Variants in PPP2R2C observed in about 807,000 individuals in gnomAD.
PPP2R2C encodes the protein protein phosphatase 2, regulatory subunit B, gamma.
A neutral mutation model predicts 45.3 loss-of-function variants in PPP2R2C; 10 were observed. The observed-to-expected ratio is 0.22, with a 90% CI of 0.14 to 0.37. The LOEUF is 0.37. Among genes scored for constraint, PPP2R2C ranks in the 10% least tolerant of loss-of-function variants. PPP2R2C has a pLI of 1.00. For missense variants in PPP2R2C, 308 were observed against 619.7 expected, an observed-to-expected ratio of 0.50 and a Z score of 5.34; for synonymous variants, 257 against 245.4, an observed-to-expected ratio of 1.05 and a Z score of -0.44.
chr4:6,502,476 G>A (rs1171727247), intron 2 of PPP2R2C, among the ~76,000 whole-genome samples: 1 of 151,208 alleles, frequency 6.6e-6, no homozygotes, highest in Non-Finnish European at 1.5e-5. Flanking sequence ...CCTTCTTCCT[G>A]CCCTCCCTCT....
chr4:6,373,113 G>C (rs1169418560), intron 4 of PPP2R2C, among the ~76,000 whole-genome samples: 7 of 152,178 alleles, frequency 4.6e-5, no homozygotes, highest in Non-Finnish European at 8.8e-5. Flanking sequence ...ATGGCCACAT[G>C]ACTAGTTCTG....
At chr4:6,390,903 G>A (rs534181881) in intron 1 of PPP2R2C, among the ~76,000 whole-genome samples, 84 of 152,198 alleles carry the variant, frequency 5.5e-4, no homozygotes, top group African/African-American at 1.9e-3. Context: ...ACCTTCCAGC[G>A]GGCCTGGTGA....
intron 2 of PPP2R2C, among the ~76,000 whole-genome samples, chr4:6,480,170 C>T (rs2108777812): frequency 1.3e-5 from 2 of 152,296 alleles, no homozygotes; most frequent in South Asian, 4.1e-4. Flanking sequence ...CCTTAACATA[C>T]ATACATGCAT....
chr4:6,391,836 A>G (rs989088609), intron 1 of PPP2R2C, among the ~76,000 whole-genome samples: 2 of 152,202 alleles, frequency 1.3e-5, no homozygotes, highest in African/African-American at 2.4e-5. Context: ...CACTGTGTGG[A>G]AAGGGGGAAA....
At chr4:6,354,915 A>G (rs970306344) in intron 5 of PPP2R2C, among the ~76,000 whole-genome samples, 1 of 152,088 alleles carries the variant, frequency 6.6e-6, no homozygotes, top group Admixed American at 6.5e-5. Context: ...TGTTGGGCAC[A>G]TTCCCACTGC....
At position 6,382,227 on chromosome 4, in the gene PPP2R2C, G is replaced by A. The variant is rs1236728484; in HGVS notation, c.71-1133C>T. The A allele has an allele frequency of 3.3e-6, 4 of 1,207,710 alleles. No individual in the cohort carries two copies. The East Asian group carries it at 2.3e-4, about 69-fold the overall frequency. 74.8% of individuals were successfully genotyped at this position (1,207,710 alleles called of 1,614,324 possible). On this transcript the variant is annotated intron_variant, in intron 1 of 8. Transcript: ENST00000382599. ...CCATAGGCCCAAGCAGCAAAAGCTAGTAGGAGCCCGGGATGGCCCGCTGCT... is the reference window on the plus strand; with the variant it reads ...CCATAGGCCCAAGCAGCAAAAGCTAATAGGAGCCCGGGATGGCCCGCTGCT...
chr4:6,413,380 G>T (rs1438377751), intron 1 of PPP2R2C, among the ~76,000 whole-genome samples: 1 of 152,248 alleles, frequency 6.6e-6, no homozygotes, highest in African/African-American at 2.4e-5. Flanking sequence ...CCCATAAGCA[G>T]AGGCTGAACT....
At chr4:6,382,778 C>T in intron 1 of PPP2R2C, 1 of 805,070 alleles carries the variant, frequency 1.2e-6, no homozygotes, top group South Asian at 1.9e-5. Flanking sequence ...CACTCTCCCA[C>T]CTCTCACTGG....
chr4:6,505,973 T>A (rs1413285672), intron 2 of PPP2R2C, among the ~76,000 whole-genome samples: 1 of 149,044 alleles, frequency 6.7e-6, no homozygotes, highest in Non-Finnish European at 1.5e-5. Flanking sequence ...CTCAAAAACA[T>A]TTTTTTTAAT....
chr4:6,469,712 A>G (rs952526137), intron 1 of PPP2R2C, among the ~76,000 whole-genome samples: 2 of 152,216 alleles, frequency 1.3e-5, no homozygotes, highest in African/African-American at 2.4e-5. Context: ...GCAGGACTTT[A>G]ACATGATTCA....
chr4:6,394,045 G>C (rs987706447), intron 1 of PPP2R2C, among the ~76,000 whole-genome samples: 2 of 152,196 alleles, frequency 1.3e-5, no homozygotes, highest in South Asian at 2.1e-4. Context: ...TGCAACACAG[G>C]CTCCGGAAAG....
At chr4:6,560,103 C>G (rs1368376581) in intron 1 of PPP2R2C, among the ~76,000 whole-genome samples, 2 of 152,210 alleles carry the variant, frequency 1.3e-5, no homozygotes, top group African/African-American at 4.8e-5. Context: ...TCCTGGGGCC[C>G]TTGAAGGCTA....
At chr4:6,397,148 C>A (rs1371455844) in intron 1 of PPP2R2C, among the ~76,000 whole-genome samples, 1 of 152,234 alleles carries the variant, frequency 6.6e-6, no homozygotes, top group Non-Finnish European at 1.5e-5. Flanking sequence ...CACAAGGGCA[C>A]CCCTGTAAGA....
At chr4:6,397,954 A>C (rs1043412478) in intron 1 of PPP2R2C, among the ~76,000 whole-genome samples, 3 of 152,366 alleles carry the variant, frequency 2.0e-5, no homozygotes, top group Admixed American at 2.0e-4. Flanking sequence ...AGACATGTGG[A>C]TCAATACAAC....
chr4:6,349,406 GATC>G (rs1400488698), intron 5 of PPP2R2C: 2 of 974,138 alleles, frequency 2.1e-6, no homozygotes, highest in African/African-American at 3.5e-5. Context: ...TCGCTGTGAA[GATC>G]ATCAGAGGCA....
chr4:6,510,015 C>T (rs1008734799), intron 2 of PPP2R2C, among the ~76,000 whole-genome samples: 1 of 152,174 alleles, frequency 6.6e-6, no homozygotes, highest in Admixed American at 6.5e-5. Context: ...ATTCCACAGC[C>T]ACCACCATAG....
At chr4:6,484,249 G>A (rs1449979917) in intron 2 of PPP2R2C, among the ~76,000 whole-genome samples, 2 of 151,900 alleles carry the variant, frequency 1.3e-5, no homozygotes, top group Non-Finnish European at 2.9e-5. Context: ...CTCCACTAAA[G>A]TGCATTTGAG....
intron 1 of PPP2R2C, chr4:6,535,468 AC>A: frequency 1.1e-6 from 1 of 906,664 alleles, no homozygotes; most frequent in Non-Finnish European, 1.6e-6. Context: ...GAGCACCGCC[AC>A]CCACGGCCGC....
intron 2 of PPP2R2C, among the ~76,000 whole-genome samples, chr4:6,491,946 G>A (rs1257869098): frequency 2.0e-5 from 3 of 152,238 alleles, no homozygotes; most frequent in South Asian, 2.1e-4. Flanking sequence ...ATAGCAATGC[G>A]AGAACAGACT....
Sources: allele counts gnomAD v4.1 joint callset (sites outside exome capture counted in the v4.1 genomes callset), GRCh38; gene constraint gnomAD v4.1.1; transcripts MANE v1.5; gene names NCBI Gene and HGNC (gene_info 2026-07-23, HGNC 2026-07-21).